Variants in RSU1 observed in about 807,000 individuals in gnomAD.
The protein encoded by RSU1 is Ras suppressor protein 1.
RSU1 carries 26 observed loss-of-function variants against 31.1 expected under a neutral mutation model. The ratio of observed to expected loss-of-function variants is 0.84; its 90% CI spans 0.61 to 1.16. The LOEUF is 1.16. Among genes scored for constraint, RSU1 ranks in the 50% most tolerant of loss-of-function variants. RSU1 has a pLI of 0.00. For missense variants in RSU1, 320 were observed against 339.1 expected (o/e 0.94, Z 0.44); for synonymous variants, 164 against 136.3 (o/e 1.20, Z -1.41).
intron 8 of RSU1, among the ~76,000 whole-genome samples, chr10:16,683,401 T>C (rs895235279): frequency 7.9e-5 from 12 of 152,282 alleles, no homozygotes; most frequent in Admixed American, 4.6e-4. Flanking sequence ...GTTTATAAGG[T>C]TCATGGTATT....
At chr10:16,645,994 GTA>G (rs61545992) in intron 8 of RSU1, among the ~76,000 whole-genome samples, 4 of 55,934 alleles carry the variant, frequency 7.2e-5, no homozygotes, top group African/African-American at 1.0e-4. Flanking sequence ...ACATATATGT[GTA>G]TATATATGTG....
intron 3 of RSU1, among the ~76,000 whole-genome samples, chr10:16,775,458 C>T (rs1326955264): frequency 6.6e-6 from 1 of 151,830 alleles, no homozygotes; most frequent in South Asian, 2.1e-4. Context: ...AACAGGACCT[C>T]TAGAAAAAGG....
chr10:16,685,198 C>T (rs189866136), intron 8 of RSU1, among the ~76,000 whole-genome samples: 56 of 152,206 alleles, frequency 3.7e-4, no homozygotes, highest in Admixed American at 1.4e-3. Flanking sequence ...TGCAGTGAGC[C>T]GAGATCGCAC....
At chr10:16,654,684 A>AC (rs1416970097) in intron 8 of RSU1, among the ~76,000 whole-genome samples, 7 of 151,686 alleles carry the variant, frequency 4.6e-5, no homozygotes, top group East Asian at 3.9e-4. Flanking sequence ...CAAAAACAAA[A>AC]AAAAAAAAAA....
intron 3 of RSU1, among the ~76,000 whole-genome samples, chr10:16,780,827 G>T (rs17139137): frequency 0.024 from 3,600 of 152,234 alleles, 255 homozygotes; most frequent in Admixed American, 0.14. Context: ...TTACAACAAT[G>T]ACCACACATG....
intron 7 of RSU1, among the ~76,000 whole-genome samples, chr10:16,710,818 C>A (rs1040040976): frequency 1.3e-5 from 2 of 152,120 alleles, no homozygotes; most frequent in East Asian, 1.9e-4. Context: ...CCTCCTCTTA[C>A]CCCCTACCCG....
At chr10:16,751,882 C>T (rs1452019190) in intron 7 of RSU1, among the ~76,000 whole-genome samples, 1 of 152,132 alleles carries the variant, frequency 6.6e-6, no homozygotes, top group South Asian at 2.1e-4. Flanking sequence ...GAAGCAGTAA[C>T]AGAATTACTG....
intron 8 of RSU1, among the ~76,000 whole-genome samples, chr10:16,607,680 G>A (rs6602135): frequency 0.3 from 44,888 of 152,066 alleles, 9,975 homozygotes; most frequent in African/African-American, 0.63. Flanking sequence ...AAAGGATTCA[G>A]CCTGGTCAGG....
intron 8 of RSU1, among the ~76,000 whole-genome samples, chr10:16,633,732 C>T (rs1457391555): frequency 6.6e-6 from 1 of 152,202 alleles, no homozygotes; most frequent in East Asian, 1.9e-4. Flanking sequence ...ACTGTCTTAA[C>T]TCCACGATTC....
intron 7 of RSU1, among the ~76,000 whole-genome samples, chr10:16,718,395 A>G (rs1334467418): frequency 6.6e-6 from 1 of 152,222 alleles, no homozygotes; most frequent in Non-Finnish European, 1.5e-5. Context: ...TATATGTGAC[A>G]TGTTATACAT....
At chr10:16,666,998 CA>C (rs141844793) in intron 8 of RSU1, among the ~76,000 whole-genome samples, 2 of 150,866 alleles carry the variant, frequency 1.3e-5, no homozygotes, top group African/African-American at 2.4e-5. Flanking sequence ...GACTCCGCAT[CA>C]AAAAAAACCA....
intron 4 of RSU1, among the ~76,000 whole-genome samples, chr10:16,759,002 AG>A (rs944878647): frequency 2.6e-5 from 4 of 152,186 alleles, no homozygotes; most frequent in Non-Finnish European, 5.9e-5. Flanking sequence ...TGATAAAACC[AG>A]GGGGTTTCAG....
intron 8 of RSU1, among the ~76,000 whole-genome samples, chr10:16,626,410 G>C (rs1834159535): frequency 6.6e-6 from 1 of 151,992 alleles, no homozygotes; most frequent in Non-Finnish European, 1.5e-5. Flanking sequence ...GGCTGGTCTT[G>C]AACTCTTGGC....
intron 2 of RSU1, among the ~76,000 whole-genome samples, chr10:16,815,877 T>C (rs1249286732): frequency 6.6e-6 from 1 of 152,112 alleles, no homozygotes; most frequent in Non-Finnish European, 1.5e-5. Flanking sequence ...AAAACAGAAT[T>C]TGTAAAGGCA....
chr10:16,673,746 C>A (rs1021351169), intron 8 of RSU1, among the ~76,000 whole-genome samples: 1 of 152,178 alleles, frequency 6.6e-6, no homozygotes, highest in South Asian at 2.1e-4. Flanking sequence ...AGACCTCTGG[C>A]ACCCAAAGAC....
chr10:16,602,906 CTTTATTT>C (rs1564282749), intron 8 of RSU1, among the ~76,000 whole-genome samples: 1 of 152,178 alleles, frequency 6.6e-6, no homozygotes, highest in Admixed American at 6.5e-5. Context: ...CTTGTAATAG[CTTTATTT>C]CTCCTAGCCG....
At chr10:16,761,286 T>C (rs1157153214) in intron 4 of RSU1, among the ~76,000 whole-genome samples, 4 of 152,250 alleles carry the variant, frequency 2.6e-5, no homozygotes, top group Admixed American at 1.3e-4. Flanking sequence ...TAGCACTTTT[T>C]ACTTCCTGTC....
At chr10:16,685,460 T>G (rs893317698) in intron 8 of RSU1, among the ~76,000 whole-genome samples, 1 of 152,216 alleles carries the variant, frequency 6.6e-6, no homozygotes, top group Non-Finnish European at 1.5e-5. Context: ...GGCTGCTGTT[T>G]GCCCATTTTT....
At chr10:16,652,039 C>G (rs999549202) in intron 8 of RSU1, among the ~76,000 whole-genome samples, 2 of 151,936 alleles carry the variant, frequency 1.3e-5, no homozygotes, top group East Asian at 1.9e-4. Flanking sequence ...CATTTATGTA[C>G]GCAAAAACTA....
Sources: gnomAD v4.1 joint callset for allele counts (sites outside exome capture counted in the v4.1 genomes callset) on GRCh38, gnomAD v4.1.1 for gene constraint, MANE v1.5 for transcripts, NCBI Gene and HGNC (gene_info 2026-07-23, HGNC 2026-07-21) for gene names.